The following USP13 variants were observed in gnomAD, a reference collection of about 807,000 sequenced individuals.
USP13 encodes ubiquitin carboxyl-terminal hydrolase 13.
In USP13, 68 loss-of-function variants were observed where a neutral mutation model predicts 107.8. That is an observed-to-expected ratio of 0.63 (90% CI 0.52 to 0.77). The LOEUF is 0.77. Ranked by LOEUF, USP13 falls within the 30% of genes least tolerant of loss-of-function variation. USP13 has a pLI of 0.00. For missense variants in USP13, 945 were observed against 1,093.3 expected (o/e 0.86, Z 1.91); for synonymous variants, 377 against 389.5 (o/e 0.97, Z 0.38).
chr3:179,723,395 C>T (rs1432998097), intron 8 of USP13, among the ~76,000 whole-genome samples: 1 of 152,102 alleles, frequency 6.6e-6, no homozygotes, highest in Non-Finnish European at 1.5e-5. Flanking sequence ...AGGACATGGT[C>T]CTCACCCCCA....
intron 16 of USP13, among the ~76,000 whole-genome samples, chr3:179,758,492 C>G (rs1285881282): frequency 6.6e-6 from 1 of 152,100 alleles, no homozygotes; most frequent in Non-Finnish European, 1.5e-5. Flanking sequence ...TTGCATCCTA[C>G]CTTTCTTAAA....
intron 8 of USP13, among the ~76,000 whole-genome samples, chr3:179,724,843 G>A (rs1319032240): frequency 6.6e-6 from 1 of 152,170 alleles, no homozygotes; most frequent in African/African-American, 2.4e-5. Context: ...GTTAGAAAAG[G>A]GATATACATT....
intron 8 of USP13, among the ~76,000 whole-genome samples, chr3:179,723,778 T>C (rs961627658): frequency 6.6e-6 from 1 of 152,228 alleles, no homozygotes; most frequent in African/African-American, 2.4e-5. Flanking sequence ...GAAATACTTG[T>C]TCTTCTCACT....
chr3:179,654,928 G>T (rs912387356), intron 1 of USP13, among the ~76,000 whole-genome samples: 5 of 146,804 alleles, frequency 3.4e-5, no homozygotes, highest in African/African-American at 1.4e-4. Context: ...ATTTTTGATT[G>T]TTTACTTTTT....
intron 8 of USP13, among the ~76,000 whole-genome samples, chr3:179,725,659 T>G (rs1423561650): frequency 6.6e-6 from 1 of 152,248 alleles, no homozygotes; most frequent in Non-Finnish European, 1.5e-5. Context: ...TGTTTGGTTA[T>G]TGGTACTCAG....
intron 3 of USP13, among the ~76,000 whole-genome samples, chr3:179,690,515 T>C (rs375503984): frequency 6.6e-6 from 1 of 152,342 alleles, no homozygotes; most frequent in African/African-American, 2.4e-5. Context: ...TTTGAAGCAA[T>C]TATACTTACA....
intron 13 of USP13, among the ~76,000 whole-genome samples, chr3:179,747,020 C>T (rs1714436637): frequency 6.6e-6 from 1 of 152,174 alleles, no homozygotes; most frequent in East Asian, 1.9e-4. Context: ...TTAAAAAGCT[C>T]CCTATCCAAG....
chr3:179,666,403 G>A (rs1425976460), intron 1 of USP13, among the ~76,000 whole-genome samples: 1 of 152,226 alleles, frequency 6.6e-6, no homozygotes, highest in Non-Finnish European at 1.5e-5. Flanking sequence ...CAGTTAGTGT[G>A]AATTCTCTTT....
chr3:179,716,274 T>A (rs1311289030), intron 6 of USP13, among the ~76,000 whole-genome samples: 1 of 152,152 alleles, frequency 6.6e-6, no homozygotes, highest in African/African-American at 2.4e-5. Context: ...TACCTCTCTC[T>A]CCCTTCTACT....
At chr3:179,761,059 CAAG>C in intron 16 of USP13, 50 bp from the exon 17 acceptor site, 2 of 1,608,428 alleles carry the variant, frequency 1.2e-6, no homozygotes, top group South Asian at 2.2e-5. Flanking sequence ...GTAGCTAAGA[CAAG>C]AAGCGACAGT....
intron 6 of USP13, among the ~76,000 whole-genome samples, chr3:179,716,857 G>A (rs537716646): frequency 2.6e-5 from 4 of 152,140 alleles, no homozygotes; most frequent in African/African-American, 7.2e-5. Flanking sequence ...TGCACATACT[G>A]TTTCCTAGCA....
intron 1 of USP13, among the ~76,000 whole-genome samples, chr3:179,654,266 G>A (rs949662982): frequency 6.6e-6 from 1 of 151,650 alleles, no homozygotes; most frequent in African/African-American, 2.4e-5. Context: ...CTCCACTCGG[G>A]CAGCAGAAAT....
intron 6 of USP13, among the ~76,000 whole-genome samples, chr3:179,713,194 G>A (rs1712990320): frequency 6.6e-6 from 1 of 152,188 alleles, no homozygotes; most frequent in South Asian, 2.1e-4. Context: ...CAACAGCAAT[G>A]CAGATCGTAT....
intron 11 of USP13, among the ~76,000 whole-genome samples, chr3:179,741,456 T>C (rs1023066140): frequency 1.3e-4 from 20 of 152,148 alleles, no homozygotes; most frequent in Non-Finnish European, 1.2e-4. Context: ...GTGATAACTT[T>C]TTTTTTTTAG....
chr3:179,669,162 T>G (rs993284743), intron 1 of USP13, among the ~76,000 whole-genome samples: 1 of 152,144 alleles, frequency 6.6e-6, no homozygotes, highest in African/African-American at 2.4e-5. Context: ...GTGCGCTCTA[T>G]CCTAAAATTA....
intron 16 of USP13, among the ~76,000 whole-genome samples, chr3:179,758,360 C>G (rs76847857): frequency 1.1e-4 from 16 of 152,232 alleles, no homozygotes; most frequent in African/African-American, 3.9e-4. Flanking sequence ...CTGCCTCTGA[C>G]GGTGAGAGCA....
intron 5 of USP13, among the ~76,000 whole-genome samples, chr3:179,707,868 C>T (rs1040652512): frequency 1.3e-5 from 2 of 152,214 alleles, no homozygotes; most frequent in Non-Finnish European, 2.9e-5. Flanking sequence ...ACGAGAGTTA[C>T]TTCTGGACCT....
chr3:179,765,660 C>T (rs779257668), intron 18 of USP13, 35 bp from the exon 19 acceptor site: 23 of 1,609,118 alleles, frequency 1.4e-5, no homozygotes, highest in Non-Finnish European at 2.0e-5. Flanking sequence ...AGGCTGCATG[C>T]ATTGTAAAAA....
chr3:179,682,122 G>A, intron 2 of USP13, 119 bp downstream of exon 2: 1 of 1,348,702 alleles, frequency 7.4e-7, no homozygotes, highest in Admixed American at 2.5e-5. Context: ...CTTTGACGAT[G>A]AGAAACAAAA....
Sources: gnomAD v4.1 joint callset for allele counts (sites outside exome capture counted in the v4.1 genomes callset) on GRCh38, gnomAD v4.1.1 for gene constraint, MANE v1.5 for transcripts, NCBI Gene and HGNC (gene_info 2026-07-23, HGNC 2026-07-21) for gene names.